USP35: variants seen among roughly 807,000 people sequenced by gnomAD.
USP35 encodes ubiquitin carboxyl-terminal hydrolase 35.
USP35 carries 69 observed loss-of-function variants against 83.8 expected under a neutral mutation model. The observed-to-expected ratio is 0.82, with a 90% CI of 0.68 to 1.01. The LOEUF (loss-of-function observed/expected upper bound fraction) is 1.01. USP35 is among the 50% of genes least tolerant of loss of function. The pLI is 0.00. For synonymous variants in USP35, 714 were observed against 589.5 expected, an observed-to-expected ratio of 1.21 and a Z score of -3.06; for missense variants, 1,503 against 1,362.5, an observed-to-expected ratio of 1.10 and a Z score of -1.62.
the USP35 span, among the ~76,000 whole-genome samples, chr11:78,235,116 A>G: frequency 6.6e-6 from 1 of 151,900 alleles, no homozygotes; most frequent in Admixed American, 6.5e-5. Context: ...ACTTATGCAA[A>G]TTTCTACAGC....
chr11:78,211,173 A>G (rs1012753670), intron 10 of USP35, among the ~76,000 whole-genome samples: 1 of 137,090 alleles, frequency 7.3e-6, no homozygotes, highest in Non-Finnish European at 1.5e-5. Flanking sequence ...CTCATTGTTC[A>G]GCTCCCACTT....
chr11:78,196,950 A>G lies in USP35; in HGVS notation c.673+32A>G, dbSNP rs1417034799. 1 of 1,431,960 alleles carries G rather than the reference A, an allele frequency of 7.0e-7. No individual in the cohort carries two copies. Among genetic ancestry groups the G allele is most frequent in the Admixed American group, 2.6e-5 (1 of 37,984 alleles). 88.7% of individuals were successfully genotyped at this position (1,431,960 alleles called of 1,614,324 possible). Reference sequence around the variant, plus strand: ...GTGCGGCCGGGGCAGGAGCGCGGGCATGCGGAGGTCCTGGGTGGGCGCTTG... The same window carrying G: ...GTGCGGCCGGGGCAGGAGCGCGGGCGTGCGGAGGTCCTGGGTGGGCGCTTG... On this transcript the variant is annotated intron_variant, in intron 2 of 10. Transcript: ENST00000529308. This position sits in a 1 kb window ranked among gnomAD's most constrained non-coding sequence, Gnocchi z 4.8.
At position 78,199,448 on chromosome 11, in the gene USP35, C is replaced by G. The variant is rs577504614; in HGVS notation, c.807-147C>G. On this transcript the variant is annotated intron_variant, in intron 3 of 10. Transcript: ENST00000529308. ...GGGCTTGTGCATTTCCCAGCCATGT[C>G]TGGTTCAGCCCACAGACCCCGGGGC... The G allele has an allele frequency of 1.4e-5, 17 of 1,215,786 alleles. 1 individual carries two copies. The African/African-American group carries it at 1.8e-4, about 13-fold the overall frequency. 75.3% of individuals were successfully genotyped at this position (1,215,786 alleles called of 1,614,324 possible).
chr11:78,193,831 T>G (rs1478359167), intron 1 of USP35, among the ~76,000 whole-genome samples: 1 of 152,148 alleles, frequency 6.6e-6, no homozygotes, highest in Non-Finnish European at 1.5e-5. Context: ...GACCCTGAAC[T>G]TTTTCTTTTC....
chr11:78,208,788 A>G, intron 8 of USP35, 69 bp from the exon 9 acceptor site: 1 of 1,553,076 alleles, frequency 6.4e-7, no homozygotes, highest in Non-Finnish European at 8.9e-7. Flanking sequence ...CCTCAGGCCT[A>G]ACCTGTGCAG....
the USP35 span, among the ~76,000 whole-genome samples, chr11:78,222,641 G>A: frequency 6.6e-6 from 1 of 151,494 alleles, no homozygotes; most frequent in Non-Finnish European, 1.5e-5. Flanking sequence ...GGAGTGCAGC[G>A]GCGCAATCTC....
the USP35 span, chr11:78,221,860 C>T: frequency 1.1e-6 from 1 of 914,614 alleles, no homozygotes; most frequent in African/African-American, 1.6e-5. Flanking sequence ...GGCCCTGACC[C>T]TCACACACCC....
At chr11:78,197,753 T>C (rs1863197358) in intron 2 of USP35, among the ~76,000 whole-genome samples, 183 bp from the exon 3 acceptor site, 1 of 152,116 alleles carries the variant, frequency 6.6e-6, no homozygotes, top group Non-Finnish European at 1.5e-5. Flanking sequence ...GCTGTGCTAG[T>C]GAAGGTTTGT....
chr11:78,226,816 C>T, the USP35 span: 22 of 1,614,098 alleles, frequency 1.4e-5, no homozygotes, highest in South Asian at 3.3e-5. Context: ...TTATCTGTCT[C>T]GGAGCCTGTG....
At position 78,215,064 on chromosome 11, in the gene USP35, GCAGA is replaced by G. The variant is rs1262125739; in HGVS notation, c.*1258_*1261del. Among the ~76,000 whole-genome samples the G allele has an allele frequency of 2.0e-5, 3 of 152,166 alleles. No individual in the cohort carries two copies. Among genetic ancestry groups the G allele is most frequent in the Non-Finnish European group, 4.4e-5 (3 of 68,026 alleles). On this transcript the variant is annotated 3_prime_UTR_variant, in exon 11 of 11. Coordinates refer to ENST00000529308, the MANE Select transcript of USP35 (RefSeq NM_020798.4). ...CACATCTAAGTGACCTGTGAAAGCA[GCAGA>G]CAGACACGCCCAGAACCCATCTCTA... is the stretch of plus-strand genomic sequence containing the variant.
At chr11:78,206,110 G>A in intron 7 of USP35, 75 bp downstream of exon 7, 2 of 1,527,898 alleles carry the variant, frequency 1.3e-6, no homozygotes, top group Non-Finnish European at 1.8e-6. Flanking sequence ...GTGGAAAGGT[G>A]TCCGGGGTGG....
At chr11:78,220,904 A>G in the USP35 span, among the ~76,000 whole-genome samples, 1 of 152,162 alleles carries the variant, frequency 6.6e-6, no homozygotes, top group African/African-American at 2.4e-5. Flanking sequence ...CTTCTGTCGC[A>G]CCAAATCAGC....
At chr11:78,219,528 C>T (rs1213272018), downstream of USP35, 1 of 944,924 alleles carries the variant, frequency 1.1e-6, no homozygotes, top group Non-Finnish European at 1.7e-6. Flanking sequence ...AGAGCATGGC[C>T]TCTGCCTGCC....
chr11:78,204,168 G>T (rs1206332357), intron 6 of USP35, among the ~76,000 whole-genome samples: 1 of 152,198 alleles, frequency 6.6e-6, no homozygotes, highest in Non-Finnish European at 1.5e-5. Context: ...GGGATTACAG[G>T]CGTGAGCCAC....
rs770259020 is a variant in USP35 at position 78,210,513 on chromosome 11, C to T, written c.2658C>T (p.Pro886=). 122 of 1,613,916 alleles carry T rather than the reference C, an allele frequency of 7.6e-5. No individual in the cohort carries two copies. The highest frequency in any genetic ancestry group is 9.6e-5 in the Non-Finnish European group (113 of 1,179,878). ...ASLGTADRPE[P]ENQWYLFNDT... is the part of the protein sequence containing the mutation. ...TGGGAACTGCCGATAGGCCAGAGCCCGAGAACCAGTGGTACCTGTTCAATG... is the reference window on the plus strand; with the variant it reads ...TGGGAACTGCCGATAGGCCAGAGCCTGAGAACCAGTGGTACCTGTTCAATG... Residue 886 remains proline (P), a synonymous_variant, in exon 10 of 11, where the codon CCC becomes CCT. Transcript: ENST00000529308.
In USP35 at chr11:78,209,449, C is replaced by T; in HGVS notation, c.1594C>T (p.Leu532=). The T allele has an allele frequency of 1.9e-6, 3 of 1,597,288 alleles. No homozygotes were observed. Among genetic ancestry groups the T allele is most frequent in the Non-Finnish European group, 2.6e-6 (3 of 1,170,588 alleles). ...GTGACTCTGTGCTCTCTGCCCCAGGCTGCACGAAGAGGAGAAAACGGGCAC... is the reference window on the plus strand; with the variant it reads ...GTGACTCTGTGCTCTCTGCCCCAGGTTGCACGAAGAGGAGAAAACGGGCAC... ...SEYLKYLLDR[L]HEEEKTGTRI... The change falls in exon 10 of 11, where the codon CTG becomes TTG. Residue 532 remains leucine (L), a splice_region_variant and synonymous_variant. Transcript: ENST00000529308.
At chr11:78,211,721 A>G (rs1863784974) in intron 10 of USP35, among the ~76,000 whole-genome samples, 1 of 152,020 alleles carries the variant, frequency 6.6e-6, no homozygotes, top group Non-Finnish European at 1.5e-5. Context: ...TTTCTTTCGT[A>G]CGTTTGTTGG....
In USP35 at chr11:78,214,234, A is replaced by AGAGAGGCGGGG. The variant is rs1275222810; in HGVS notation, c.*422_*423insAGAGGCGGGGG. 6 of 96,202 alleles carry AGAGAGGCGGGG rather than the reference A, an allele frequency of 6.2e-5. No homozygotes were observed. The highest frequency in any genetic ancestry group is 3.1e-4 in the African/African-American group (6 of 19,656). The allele number at this position is 96,202 out of a possible 1,614,324, so 6.0% of individuals were successfully genotyped here. A position where few individuals can be genotyped will look rare whatever the true frequency, so the allele number is the denominator to read the frequency against. On this transcript the variant is annotated 3_prime_UTR_variant, in exon 11 of 11. Coordinates refer to ENST00000529308, the MANE Select transcript of USP35 (RefSeq NM_020798.4). ...ACAGCAGGATCCAAGCCTTGCACAAAGGGGTGGGGGGGGCAGTGTCTCCTC... is the reference window on the plus strand; with the variant it reads ...ACAGCAGGATCCAAGCCTTGCACAAAGAGAGGCGGGGGGGGTGGGGGGGGCAGTGTCTCCTC...
the USP35 span, chr11:78,220,511 A>C: frequency 7.1e-7 from 1 of 1,401,732 alleles, no homozygotes; most frequent in Non-Finnish European, 9.7e-7. Context: ...CCAGAAAAAC[A>C]CCTCTGGGAG....
Sources: allele counts gnomAD v4.1 joint callset (sites outside exome capture counted in the v4.1 genomes callset), GRCh38; gene constraint gnomAD v4.1.1; non-coding constraint Gnocchi (gnomAD v3.1); transcripts MANE v1.5; gene names NCBI Gene and HGNC (gene_info 2026-07-23, HGNC 2026-07-21).